Variants in CPQ observed in about 807,000 individuals in gnomAD.
CPQ encodes Ser-Met dipeptidase.
Under a neutral mutation model 45.7 loss-of-function variants are expected in CPQ, and 37 were observed. That is an observed-to-expected ratio of 0.81 (90% CI 0.62 to 1.07). The LOEUF (loss-of-function observed/expected upper bound fraction) is 1.07. Ranked by LOEUF, CPQ falls within the 50% of genes least tolerant of loss-of-function variation. The pLI, the probability that CPQ is intolerant of heterozygous loss-of-function variation, is 0.00. For missense variants in CPQ, 537 were observed against 572.9 expected, an observed-to-expected ratio of 0.94 and a Z score of 0.64; for synonymous variants, 186 against 205.8, an observed-to-expected ratio of 0.90 and a Z score of 0.82.
At chr8:96,834,557 A>G (rs2130848184) in intron 2 of CPQ, among the ~76,000 whole-genome samples, 1 of 152,338 alleles carries the variant, frequency 6.6e-6, no homozygotes, top group Non-Finnish European at 1.5e-5. Flanking sequence ...AACATATCAA[A>G]ATAGTTATAT....
intron 1 of CPQ, among the ~76,000 whole-genome samples, chr8:96,678,141 G>A (rs765732156): frequency 4.4e-4 from 66 of 151,722 alleles, no homozygotes; most frequent in Non-Finnish European, 7.4e-4. Context: ...CTTATCTTGC[G>A]TTAGCTGTGA....
At chr8:97,051,129 C>T (rs182160944) in intron 6 of CPQ, among the ~76,000 whole-genome samples, 54 of 152,238 alleles carry the variant, frequency 3.5e-4, no homozygotes, top group African/African-American at 1.3e-3. Flanking sequence ...GAATGATCAT[C>T]ATAATCACCA....
chr8:96,910,375 G>T lies in CPQ; in HGVS notation c.849+30370G>T, dbSNP rs150309223. Among the ~76,000 whole-genome samples the T allele has an allele frequency of 1.3e-3, 198 of 152,300 alleles. 1 individual carries two copies. The highest frequency in any genetic ancestry group is 2.1e-3 in the Non-Finnish European group (145 of 68,028). ...TCCATCCTTGTCACCATTGTACAAG[G>T]ATATGTACTTTTGCACAATGAATAA... On this transcript the variant is annotated intron_variant, in intron 4 of 7. Transcript: ENST00000220763.
intron 1 of CPQ, among the ~76,000 whole-genome samples, chr8:96,646,994 C>G: frequency 6.6e-6 from 1 of 152,148 alleles, no homozygotes; most frequent in Non-Finnish European, 1.5e-5. Flanking sequence ...CTGGGTCTGA[C>G]TTTTTTCCAG....
intron 1 of CPQ, among the ~76,000 whole-genome samples, chr8:96,731,713 G>A (rs1188986414): frequency 6.6e-6 from 1 of 152,148 alleles, no homozygotes; most frequent in Non-Finnish European, 1.5e-5. Flanking sequence ...ATAGTGGAAG[G>A]GCTGGGGGTG....
intron 7 of CPQ, among the ~76,000 whole-genome samples, chr8:97,112,703 C>G (rs1051326132): frequency 6.6e-6 from 1 of 152,150 alleles, no homozygotes; most frequent in African/African-American, 2.4e-5. Flanking sequence ...GCAGCACTGA[C>G]AGCATGGATC....
At chr8:96,898,076 T>C (rs1812467120) in intron 4 of CPQ, among the ~76,000 whole-genome samples, 1 of 152,136 alleles carries the variant, frequency 6.6e-6, no homozygotes, top group South Asian at 2.1e-4. Context: ...CCCAAGACCC[T>C]TCCTTTGGAA....
chr8:97,006,892 C>G (rs896155707), intron 5 of CPQ, among the ~76,000 whole-genome samples: 1 of 152,090 alleles, frequency 6.6e-6, no homozygotes, highest in Non-Finnish European at 1.5e-5. Flanking sequence ...AGTTGAAACT[C>G]GTCTTTCAAC....
chr8:97,034,811 T>G (rs1310408722), intron 6 of CPQ, among the ~76,000 whole-genome samples: 3 of 152,196 alleles, frequency 2.0e-5, no homozygotes. Flanking sequence ...TACATAATCC[T>G]GAGTCTGACG....
chr8:96,898,776 T>TAAA (rs11390361), intron 4 of CPQ, among the ~76,000 whole-genome samples: 3,945 of 137,546 alleles, frequency 0.029, 76 homozygotes, highest in African/African-American at 0.039. Flanking sequence ...TAGGGTATAA[T>TAAA]AAAAAAAAAA....
At chr8:96,939,029 G>A (rs916441603) in intron 4 of CPQ, among the ~76,000 whole-genome samples, 1 of 152,048 alleles carries the variant, frequency 6.6e-6, no homozygotes, top group East Asian at 1.9e-4. Flanking sequence ...CGTCATACAA[G>A]GTATCTGAAC....
intron 7 of CPQ, among the ~76,000 whole-genome samples, chr8:97,081,350 C>A (rs539687349): frequency 1.3e-5 from 2 of 152,082 alleles, no homozygotes; most frequent in South Asian, 2.1e-4. Context: ...CAGTTGCCCC[C>A]CCATACGCTT....
chr8:96,844,973 A>G (rs1303428413), intron 3 of CPQ, among the ~76,000 whole-genome samples: 1 of 152,214 alleles, frequency 6.6e-6, no homozygotes, highest in Non-Finnish European at 1.5e-5. Flanking sequence ...TGGCCAGCTT[A>G]CCCAAAATGC....
At chr8:96,801,265 C>G (rs1422027410) in intron 2 of CPQ, among the ~76,000 whole-genome samples, 1 of 152,096 alleles carries the variant, frequency 6.6e-6, no homozygotes, top group Non-Finnish European at 1.5e-5. Context: ...GTGTGAGCCA[C>G]CATGCTGGCC....
chr8:96,692,467 C>CT (rs1170893962), intron 1 of CPQ, among the ~76,000 whole-genome samples: 1 of 151,378 alleles, frequency 6.6e-6, no homozygotes, highest in Non-Finnish European at 1.5e-5. Context: ...CCTCTCCCAG[C>CT]TCCAGGCAGC....
At chr8:96,941,765 A>G (rs1452770519) in intron 4 of CPQ, among the ~76,000 whole-genome samples, 3 of 152,300 alleles carry the variant, frequency 2.0e-5, no homozygotes, top group African/African-American at 4.8e-5. Context: ...CATGATTCTA[A>G]AACAATTAGA....
At chr8:97,136,179 CAA>C (rs146629263) in intron 7 of CPQ, among the ~76,000 whole-genome samples, 3 of 140,334 alleles carry the variant, frequency 2.1e-5, no homozygotes, top group African/African-American at 7.8e-5. Flanking sequence ...TGAGTGTTTA[CAA>C]AAAAAAAAGA....
chr8:96,982,827 G>A (rs1210728584), intron 5 of CPQ, among the ~76,000 whole-genome samples: 3 of 152,162 alleles, frequency 2.0e-5, no homozygotes, highest in African/African-American at 7.2e-5. Flanking sequence ...CAGATGAAGG[G>A]ACTAAGACTG....
At chr8:96,848,642 C>G (rs1479535779) in intron 3 of CPQ, among the ~76,000 whole-genome samples, 3 of 152,150 alleles carry the variant, frequency 2.0e-5, no homozygotes, top group Non-Finnish European at 4.4e-5. Flanking sequence ...AAGTTTATTT[C>G]AGCTTTATAG....
Sources: gnomAD v4.1 joint callset for allele counts (sites outside exome capture counted in the v4.1 genomes callset) on GRCh38, gnomAD v4.1.1 for gene constraint, MANE v1.5 for transcripts, NCBI Gene and HGNC (gene_info 2026-07-23, HGNC 2026-07-21) for gene names.